ANKRD31: variants seen among roughly 807,000 people sequenced by gnomAD.
ANKRD31 encodes ankyrin repeat domain 31.
Under a neutral mutation model 186.0 loss-of-function variants are expected in ANKRD31, and 147 were observed. The ratio of observed to expected loss-of-function variants is 0.79; its 90% confidence interval spans 0.69 to 0.91. The LOEUF (loss-of-function observed/expected upper bound fraction) is 0.91. ANKRD31 is among the 40% of genes least tolerant of loss of function. The pLI, the probability that ANKRD31 is intolerant of heterozygous loss-of-function variation, is 0.00. For missense variants in ANKRD31, 1,986 were observed against 2,148.8 expected (o/e 0.92, Z 1.50); for synonymous variants, 673 against 736.4 (o/e 0.91, Z 1.39).
intron 23 of ANKRD31, among the ~76,000 whole-genome samples, chr5:75,086,201 G>A (rs1745468437): frequency 6.6e-6 from 1 of 152,082 alleles, no homozygotes; most frequent in Admixed American, 6.6e-5. Flanking sequence ...GTTAGTGCTG[G>A]GCAATATAAG....
chr5:75,108,599 T>A (rs1214756822), intron 20 of ANKRD31, among the ~76,000 whole-genome samples: 1 of 152,108 alleles, frequency 6.6e-6, no homozygotes, highest in South Asian at 2.1e-4. Context: ...CTTGAGAAAA[T>A]CTGTGGTAGA....
chr5:75,137,327 G>T (rs1401606333), intron 17 of ANKRD31, among the ~76,000 whole-genome samples: 2 of 152,014 alleles, frequency 1.3e-5, no homozygotes, highest in Admixed American at 6.6e-5. Context: ...GAATCTTAAG[G>T]TCGAGATTTG....
Position 75,090,680 on chromosome 5 carries a change from C to T in ANKRD31, c.5472+581G>A, listed in dbSNP as rs116078003. On this transcript the variant is annotated intron_variant, in intron 23 of 25. Coordinates refer to ENST00000506364, the MANE Select transcript of ANKRD31 (RefSeq NM_001372053.1). ...CTCAAGAACATCAGTCATTACTGGG[C>T]TTATAACTCAGAAGCCAGAACTGAC... is the stretch of plus-strand genomic sequence containing the variant. Among the ~76,000 whole-genome samples, 1,204 of 152,240 alleles carry T rather than the reference C, an allele frequency of 7.9e-3. 25 individuals carry two copies. The highest frequency in any genetic ancestry group is 0.027 in the African/African-American group (1,113 of 41,528).
intron 10 of ANKRD31, among the ~76,000 whole-genome samples, chr5:75,187,554 A>G (rs915949250): frequency 7.2e-5 from 11 of 152,138 alleles, no homozygotes; most frequent in Admixed American, 3.3e-4. Context: ...CTTGAACTCA[A>G]TGGGCAGACA....
At chr5:75,080,914 C>T (rs992736757) in intron 24 of ANKRD31, among the ~76,000 whole-genome samples, 1 of 114,872 alleles carries the variant, frequency 8.7e-6, no homozygotes, top group Non-Finnish European at 1.6e-5. Context: ...GAAAGCCACA[C>T]AAAATTATTT....
At chr5:75,086,181 AT>A (rs1745466968) in intron 23 of ANKRD31, among the ~76,000 whole-genome samples, 1 of 152,210 alleles carries the variant, frequency 6.6e-6, no homozygotes, top group South Asian at 2.1e-4. Context: ...CTTTAAAAAT[AT>A]TTTTATTAGT....
chr5:75,142,131 T>G (rs1330577440), intron 15 of ANKRD31, among the ~76,000 whole-genome samples: 1 of 152,118 alleles, frequency 6.6e-6, no homozygotes, highest in Admixed American at 6.6e-5. Context: ...TGTGACCAGT[T>G]TTTTCTTCTC....
intron 17 of ANKRD31, among the ~76,000 whole-genome samples, chr5:75,136,155 T>A (rs1029752251): frequency 6.6e-6 from 1 of 152,130 alleles, no homozygotes; most frequent in Non-Finnish European, 1.5e-5. Flanking sequence ...AAGCCAAAGT[T>A]GACAAATGGG....
intron 10 of ANKRD31, among the ~76,000 whole-genome samples, chr5:75,178,898 A>G (rs1424569213): frequency 6.6e-6 from 1 of 152,218 alleles, no homozygotes; most frequent in African/African-American, 2.4e-5. Context: ...GCAGAACTGA[A>G]GGAAATAGAG....
intron 2 of ANKRD31, 72 bp from the exon 3 acceptor site, chr5:75,222,430 T>G: frequency 9.6e-7 from 1 of 1,036,330 alleles, no homozygotes; most frequent in Non-Finnish European, 1.4e-6. Flanking sequence ...CCCAATAATT[T>G]TATACGCATG....
intron 2 of ANKRD31, among the ~76,000 whole-genome samples, chr5:75,227,752 A>G (rs375057758): frequency 6.6e-6 from 1 of 152,194 alleles, no homozygotes; most frequent in East Asian, 1.9e-4. Flanking sequence ...ACCACGGACC[A>G]GTACCCATCC....
At position 75,105,146 on chromosome 5, in the gene ANKRD31, G is replaced by T; in HGVS notation, c.4413C>A (p.Ser1471Arg). ...QLANLAARQK[S>R]LLVVAKKQKK... ...TCTGTTTTTTTGCCACAACTAAAAG[G>T]CTCTTCTGTCTTGCAGCCAAGTTGG... The change falls in exon 22 of 26, where the codon AGC (serine) becomes AGA (arginine). Residue 1471 changes from serine (S) to arginine (R), a missense_variant. Transcript: ENST00000506364. 1 of 1,536,806 alleles carries T rather than the reference G, an allele frequency of 6.5e-7. No homozygotes were observed.
chr5:75,116,983 A>C (rs1748338585), intron 18 of ANKRD31, among the ~76,000 whole-genome samples: 1 of 152,200 alleles, frequency 6.6e-6, no homozygotes, highest in African/African-American at 2.4e-5. Flanking sequence ...AGAGGGGTTC[A>C]AGAAGTTGCC....
intron 4 of ANKRD31, among the ~76,000 whole-genome samples, chr5:75,208,994 C>G (rs1756435587): frequency 6.6e-6 from 1 of 152,114 alleles, no homozygotes; most frequent in Non-Finnish European, 1.5e-5. Context: ...TTTCAGCAAA[C>G]CTTCATTGAG....
intron 24 of ANKRD31, 68 bp downstream of exon 24, chr5:75,084,204 G>T: frequency 2.7e-6 from 3 of 1,106,338 alleles, no homozygotes; most frequent in Non-Finnish European, 2.6e-6. Flanking sequence ...AAAATAAAAT[G>T]AGTGCTTTTC....
At chr5:75,177,076 C>T (rs767105945) in intron 10 of ANKRD31, among the ~76,000 whole-genome samples, 12 of 152,122 alleles carry the variant, frequency 7.9e-5, no homozygotes, top group South Asian at 4.1e-4. Flanking sequence ...ACGAGAACTA[C>T]GTGACAAATG....
intron 10 of ANKRD31, among the ~76,000 whole-genome samples, chr5:75,169,653 G>T (rs1245202731): frequency 2.6e-5 from 4 of 152,092 alleles, no homozygotes; most frequent in South Asian, 2.1e-4. Flanking sequence ...CTTTTTCTTT[G>T]TTGGCCAAGG....
chr5:75,177,975 T>C (rs138780295), intron 10 of ANKRD31, among the ~76,000 whole-genome samples: 1,874 of 152,208 alleles, frequency 0.012, 30 homozygotes, highest in African/African-American at 0.043. Flanking sequence ...CCGTGTGCTG[T>C]ATTCAGGAAA....
At chr5:75,159,919 A>G (rs1752459028) in intron 11 of ANKRD31, among the ~76,000 whole-genome samples, 1 of 152,124 alleles carries the variant, frequency 6.6e-6, no homozygotes, top group South Asian at 2.1e-4. Flanking sequence ...TAACATTTAT[A>G]AATGTAATAT....
Sources: gnomAD v4.1 joint callset for allele counts (sites outside exome capture counted in the v4.1 genomes callset) on GRCh38, gnomAD v4.1.1 for gene constraint, MANE v1.5 for transcripts, NCBI Gene and HGNC (gene_info 2026-07-23, HGNC 2026-07-21) for gene names.